RYR3: variants seen among roughly 807,000 people sequenced by gnomAD.
RYR3 encodes the protein ryanodine receptor 3, also known as brain ryanodine receptor-calcium release channel.
In RYR3, 207 loss-of-function variants were observed where a neutral mutation model predicts 584.3. The observed-to-expected ratio is 0.35, with a 90% confidence interval of 0.32 to 0.40. The LOEUF is 0.40. Among genes scored for constraint, RYR3 ranks in the 10% least tolerant of loss-of-function variants. The probability of loss-of-function intolerance (pLI) is 1.00; values close to 1 mark genes in which losing one functional copy is unlikely to be tolerated. For missense variants in RYR3, 5,616 were observed against 6,089.2 expected, an observed-to-expected ratio of 0.92 and a Z score of 2.59; for synonymous variants, 2,416 against 2,248.5, an observed-to-expected ratio of 1.07 and a Z score of -2.11.
intron 1 of RYR3, among the ~76,000 whole-genome samples, chr15:33,347,421 C>G (rs1363714039): frequency 6.6e-6 from 1 of 150,450 alleles, no homozygotes; most frequent in Non-Finnish European, 1.5e-5. Flanking sequence ...TCTTGTTGCT[C>G]ATGTTGTGTC....
At chr15:33,806,920 A>ATTTTT (rs35069939) in intron 69 of RYR3, among the ~76,000 whole-genome samples, 29 of 141,476 alleles carry the variant, frequency 2.0e-4, no homozygotes, top group Non-Finnish European at 3.1e-4. Context: ...ACCCAGCTGA[A>ATTTTT]TTTTTTTTTT....
At chr15:33,807,971 G>C (rs2076292659) in intron 70 of RYR3, among the ~76,000 whole-genome samples, 1 of 152,158 alleles carries the variant, frequency 6.6e-6, no homozygotes, top group South Asian at 2.1e-4. Flanking sequence ...TCACACTGTA[G>C]GTGTCCTGCA....
At chr15:33,568,039 T>A (rs552745747) in intron 12 of RYR3, among the ~76,000 whole-genome samples, 4 of 152,196 alleles carry the variant, frequency 2.6e-5, no homozygotes, top group Non-Finnish European at 5.9e-5. Flanking sequence ...CAACCTCAGT[T>A]GAGAACTGCT....
At chr15:33,377,776 C>T (rs2040858724) in intron 1 of RYR3, among the ~76,000 whole-genome samples, 1 of 152,168 alleles carries the variant, frequency 6.6e-6, no homozygotes, top group South Asian at 2.1e-4. Context: ...TTTTTAAAAA[C>T]GTAAGTTCTA....
chr15:33,846,581 A>G (rs542068276), intron 93 of RYR3, among the ~76,000 whole-genome samples: 15 of 152,152 alleles, frequency 9.9e-5, no homozygotes, highest in Non-Finnish European at 2.2e-4. Flanking sequence ...AGTCCAGGAA[A>G]TACTTTCCTA....
intron 5 of RYR3, among the ~76,000 whole-genome samples, chr15:33,534,166 C>T (rs981086298): frequency 1.3e-4 from 20 of 152,198 alleles, no homozygotes; most frequent in Admixed American, 6.5e-4. Flanking sequence ...TTTGGGAGGC[C>T]GAGGCTGGCG....
chr15:33,659,549 G>A (rs1373622154), intron 32 of RYR3, among the ~76,000 whole-genome samples, 171 bp from the exon 33 acceptor site: 2 of 152,250 alleles, frequency 1.3e-5, no homozygotes, highest in Non-Finnish European at 2.9e-5. Flanking sequence ...GTGGAATTGT[G>A]ACAATCTCCG....
intron 42 of RYR3, among the ~76,000 whole-genome samples, chr15:33,702,388 CTG>C (rs1301187254): frequency 1.3e-5 from 2 of 152,222 alleles, no homozygotes; most frequent in Non-Finnish European, 2.9e-5. Context: ...AAGCCCAAGA[CTG>C]TGCTGGCTTC....
chr15:33,500,355 C>G (rs1355102625), intron 2 of RYR3, among the ~76,000 whole-genome samples: 5 of 152,082 alleles, frequency 3.3e-5, no homozygotes, highest in Non-Finnish European at 7.4e-5. Flanking sequence ...TGCTAAATGA[C>G]TACAAAACAG....
In RYR3 at chr15:33,722,892, A is replaced by G; in HGVS notation, c.6797A>G (p.Glu2266Gly). The change falls in exon 44 of 104, where the codon GAA becomes GGA. Residue 2266 changes from glutamate to glycine, a missense_variant. Coordinates refer to ENST00000634891, the MANE Select transcript of RYR3 (RefSeq NM_001036.6). ...CTCCCCTCTCAAGGATACAAAAGAG[A>G]AGTGTAAGTGAATGGAATTCCCTTC... ...LDLPSQGYKR[E>G]VSTGDDEEEE... The G allele has an allele frequency of 1.3e-6, 2 of 1,563,654 alleles. No homozygotes were observed. The highest frequency in any genetic ancestry group is 1.7e-6 in the Non-Finnish European group (2 of 1,157,576).
chr15:33,584,208 C>G (rs1290350759), intron 14 of RYR3, among the ~76,000 whole-genome samples, 187 bp from the exon 15 acceptor site: 1 of 151,990 alleles, frequency 6.6e-6, no homozygotes. Context: ...GCCTGGGTGA[C>G]TGGGTGAGAC....
At position 33,775,541 on chromosome 15, in the gene RYR3, T is replaced by C. The variant is rs373323286; in HGVS notation, c.9137+1926T>C. ...GCAGCTGGCCCAGGTGAGAGGTTGG[T>C]GAAACTCAGTGCATCCTAGAGTCAT... On this transcript the variant is annotated intron_variant, in intron 64 of 103. Coordinates refer to ENST00000634891, the MANE Select transcript of RYR3 (RefSeq NM_001036.6). 7.2e-5 allele frequency among the ~76,000 whole-genome samples: 11 copies of C among 152,314 alleles called. No individual in the cohort carries two copies. The East Asian group carries it at 1.5e-3, about 21-fold the overall frequency.
rs756190897 is a variant in RYR3, at chr15:33,635,596, C to T, written c.3176-18C>T. 11 of 1,605,284 alleles carry T rather than the reference C, an allele frequency of 6.9e-6. No homozygotes were observed. In the African/African-American group the frequency reaches 1.3e-4, roughly 20 times the overall value. On this transcript the variant is annotated intron_variant, in intron 25 of 103. Coordinates refer to ENST00000634891, the MANE Select transcript of RYR3 (RefSeq NM_001036.6). ...CTTTCCCTTCCACACCCTCTGTTCG[C>T]CTTTCTTCTCACAATAGCTGACTCG...
At chr15:33,547,192 G>A (rs1440984617) in intron 8 of RYR3, among the ~76,000 whole-genome samples, 2 of 152,110 alleles carry the variant, frequency 1.3e-5, no homozygotes, top group Admixed American at 1.3e-4. Flanking sequence ...ACAAATCCAA[G>A]TTGAGACACA....
intron 63 of RYR3, 48 bp from the exon 64 acceptor site, chr15:33,773,486 C>A: frequency 7.5e-7 from 1 of 1,325,420 alleles, no homozygotes; most frequent in Non-Finnish European, 1.1e-6. Flanking sequence ...TGGATCCTTT[C>A]TGTATTCAGG....
chr15:33,747,986 C>A, intron 53 of RYR3, 128 bp from the exon 54 acceptor site: 1 of 790,350 alleles, frequency 1.3e-6, no homozygotes, highest in Non-Finnish European at 2.1e-6. Flanking sequence ...ATGTTTTGAC[C>A]TTGTGAGAGA....
At chr15:33,400,868 C>T (rs2042615396) in intron 1 of RYR3, among the ~76,000 whole-genome samples, 1 of 152,162 alleles carries the variant, frequency 6.6e-6, no homozygotes. Flanking sequence ...TTGCAGTACC[C>T]TTTTCTTACC....
In RYR3 at chr15:33,652,783, A is replaced by C; in HGVS notation, c.4208A>C (p.Asn1403Thr). The change falls in exon 32 of 104, where the codon AAT (asparagine) becomes ACT (threonine). Residue 1403 changes from asparagine (N) to threonine (T), a missense_variant. Physicochemically the swap from Asn to Thr is moderately conservative, Grantham distance 65 (BLOSUM62 0). This residue lies in a region of RYR3 where 753 missense variants were observed against 741.0 expected (regional missense o/e 1.02). Coordinates refer to ENST00000634891, the MANE Select transcript of RYR3 (RefSeq NM_001036.6). ...ATTGTAGCCAGTTCCCAGAGATCAA[A>C]TCGGAGCAACGTGGACCTGGAGATC... ...GDIVASSQRS[N>T]RSNVDLEIGC... 1 of 1,613,952 alleles carries C rather than the reference A, an allele frequency of 6.2e-7. No individual in the cohort carries two copies. Among genetic ancestry groups the C allele is most frequent in the Non-Finnish European group, 8.5e-7 (1 of 1,179,856 alleles).
At chr15:33,337,051 C>T (rs866612537) in intron 1 of RYR3, among the ~76,000 whole-genome samples, 13 of 70,118 alleles carry the variant, frequency 1.9e-4, no homozygotes, top group African/African-American at 7.7e-4. Flanking sequence ...AGCAGGACTC[C>T]GTCTCAAAAA....
Sources: allele counts gnomAD v4.1 joint callset (sites outside exome capture counted in the v4.1 genomes callset), GRCh38; gene constraint gnomAD v4.1.1; regional missense constraint gnomAD v4.1.1; transcripts MANE v1.5; gene names NCBI Gene and HGNC (gene_info 2026-07-23, HGNC 2026-07-21).